The following FBXW8 variants were observed in gnomAD, a reference collection of about 807,000 sequenced individuals.
FBXW8 encodes F-box/WD repeat-containing protein 8.
FBXW8 carries 57 observed loss-of-function variants against 65.3 expected under a neutral mutation model. The ratio of observed to expected loss-of-function variants is 0.87; its 90% CI spans 0.71 to 1.09. The LOEUF is 1.09. FBXW8 is among the 50% of genes least tolerant of loss of function. The pLI, the probability that FBXW8 is intolerant of heterozygous loss-of-function variation, is 0.00. For synonymous variants in FBXW8, 308 were observed against 330.2 expected, an observed-to-expected ratio of 0.93 and a Z score of 0.73; for missense variants, 777 against 814.8, an observed-to-expected ratio of 0.95 and a Z score of 0.57.
chr12:116,922,248 A>C (rs777271516), intron 1 of FBXW8, among the ~76,000 whole-genome samples: 1 of 151,956 alleles, frequency 6.6e-6, no homozygotes, highest in Admixed American at 6.6e-5. Flanking sequence ...CCAGCCAACC[A>C]GTTTTTTTCT....
At chr12:117,022,491 A>T (rs1021927252) in intron 8 of FBXW8, among the ~76,000 whole-genome samples, 4 of 152,022 alleles carry the variant, frequency 2.6e-5, no homozygotes, top group African/African-American at 9.7e-5. Flanking sequence ...GTCTCTACTG[A>T]AAATAAAAAA....
intron 5 of FBXW8, among the ~76,000 whole-genome samples, chr12:116,973,097 A>C (rs1273954205): frequency 6.6e-6 from 1 of 152,206 alleles, no homozygotes; most frequent in Non-Finnish European, 1.5e-5. Context: ...TGGAGTATCA[A>C]AGTCAATATT....
chr12:116,990,509 A>T (rs1279433993), intron 7 of FBXW8, among the ~76,000 whole-genome samples: 1 of 151,860 alleles, frequency 6.6e-6, no homozygotes, highest in East Asian at 1.9e-4. Context: ...CTAATTTTTC[A>T]TCTGGTATGC....
intron 2 of FBXW8, among the ~76,000 whole-genome samples, chr12:116,940,415 G>T (rs1882480766): frequency 6.6e-6 from 1 of 151,602 alleles, no homozygotes; most frequent in Admixed American, 6.6e-5. Flanking sequence ...AGACGTTGAG[G>T]TGGGGATTAA....
At chr12:116,989,899 G>T (rs910489294) in intron 7 of FBXW8, among the ~76,000 whole-genome samples, 1 of 152,170 alleles carries the variant, frequency 6.6e-6, no homozygotes, top group Non-Finnish European at 1.5e-5. Flanking sequence ...AGAGTTGTAG[G>T]ATTAAATGAA....
rs1001517903 is a variant in FBXW8 at position 117,030,924 on chromosome 12, G to A, written c.*2752G>A. On this transcript the variant is annotated 3_prime_UTR_variant, in exon 11 of 11. Coordinates refer to ENST00000652555, the MANE Select transcript of FBXW8 (RefSeq NM_153348.3). The stretch of plus-strand genomic sequence containing the variant: ...TTTATCCAGACCCTTTCACAAACAA[G>A]TTCTGAGTTTTTAGCCAATTGATCC... 4 of 152,130 alleles carry A rather than the reference G, an allele frequency of 2.6e-5. No homozygotes were observed. The highest frequency in any genetic ancestry group is 4.8e-5 in the African/African-American group (2 of 41,414). 9.4% of individuals were successfully genotyped at this position (152,130 alleles called of 1,614,324 possible).
intron 5 of FBXW8, among the ~76,000 whole-genome samples, chr12:116,982,646 A>G (rs1885393887): frequency 6.6e-6 from 1 of 151,430 alleles, no homozygotes; most frequent in Non-Finnish European, 1.5e-5. Context: ...TTTTTCCCAA[A>G]AAGACTCTTC....
intron 2 of FBXW8, among the ~76,000 whole-genome samples, chr12:116,930,314 C>T (rs180713302): frequency 6.6e-6 from 1 of 152,314 alleles, no homozygotes; most frequent in East Asian, 1.9e-4. Flanking sequence ...CTCTCCATGT[C>T]TTTGCCAGCA....
chr12:116,998,113 C>T (rs1953424331), intron 7 of FBXW8, among the ~76,000 whole-genome samples: 1 of 152,212 alleles, frequency 6.6e-6, no homozygotes, highest in Admixed American at 6.5e-5. Context: ...GCCACCGCGC[C>T]TGGCCCCCAA....
chr12:116,916,263 C>T (rs1593031993), intron 1 of FBXW8, among the ~76,000 whole-genome samples: 1 of 152,058 alleles, frequency 6.6e-6, no homozygotes, highest in African/African-American at 2.4e-5. Context: ...CATAGATTAG[C>T]CTTGGTAGAT....
At chr12:117,016,846 A>G (rs1953962195) in intron 8 of FBXW8, among the ~76,000 whole-genome samples, 1 of 152,124 alleles carries the variant, frequency 6.6e-6, no homozygotes, top group Non-Finnish European at 1.5e-5. Flanking sequence ...ATTCTTTTCC[A>G]TGTGGATATC....
chr12:116,969,065 T>C (rs924490251), intron 5 of FBXW8, among the ~76,000 whole-genome samples: 2 of 152,192 alleles, frequency 1.3e-5, no homozygotes, highest in African/African-American at 4.8e-5. Flanking sequence ...CTGAACTTTG[T>C]GCTCTGTTTC....
chr12:116,973,849 T>C (rs1311362011), intron 5 of FBXW8, among the ~76,000 whole-genome samples: 1 of 152,246 alleles, frequency 6.6e-6, no homozygotes, highest in Non-Finnish European at 1.5e-5. Context: ...TTTTCTGTAA[T>C]TTTGAAAGTT....
At chr12:116,993,512 G>A (rs368081449) in intron 7 of FBXW8, among the ~76,000 whole-genome samples, 3 of 151,998 alleles carry the variant, frequency 2.0e-5, no homozygotes, top group South Asian at 2.1e-4. Flanking sequence ...TGTTTCTTAC[G>A]TTTGTTGGCA....
At chr12:116,989,243 T>C (rs1310942690) in intron 7 of FBXW8, among the ~76,000 whole-genome samples, 1 of 152,222 alleles carries the variant, frequency 6.6e-6, no homozygotes, top group Admixed American at 6.5e-5. Flanking sequence ...GAGGATTCCA[T>C]GTCAGCTTTT....
intron 1 of FBXW8, 125 bp downstream of exon 1, chr12:116,911,480 A>C: frequency 1.6e-6 from 1 of 620,982 alleles, no homozygotes; most frequent in Non-Finnish European, 2.3e-6. Flanking sequence ...GTAGACGCAC[A>C]AACACCAATG....
chr12:116,989,119 T>G (rs991848716), intron 7 of FBXW8, among the ~76,000 whole-genome samples: 3 of 152,208 alleles, frequency 2.0e-5, no homozygotes, highest in African/African-American at 7.2e-5. Flanking sequence ...CTAGAAAAAT[T>G]TAATGCATAT....
intron 5 of FBXW8, among the ~76,000 whole-genome samples, chr12:116,966,158 A>G (rs1390318092): frequency 6.6e-6 from 1 of 152,188 alleles, no homozygotes; most frequent in Non-Finnish European, 1.5e-5. Flanking sequence ...TTCAGCCTAT[A>G]GAAATTCAGC....
In FBXW8 at chr12:117,006,385, T is replaced by C. The variant is rs531682297; in HGVS notation, c.1240-3938T>C. Among the ~76,000 whole-genome samples, 8 of 152,332 alleles carry C rather than the reference T, an allele frequency of 5.3e-5. No homozygotes were observed. In the South Asian group the frequency reaches 8.3e-4, roughly 16 times the overall value. ...ATTTCTTACTGGGTGAAGGAAGAAG[T>C]TGGTCTGCCTTGAGCTCACCCCGCC... On this transcript the variant is annotated intron_variant, in intron 7 of 10. Transcript: ENST00000652555.
Sources: allele counts gnomAD v4.1 joint callset (sites outside exome capture counted in the v4.1 genomes callset), GRCh38; gene constraint gnomAD v4.1.1; transcripts MANE v1.5; gene names NCBI Gene and HGNC (gene_info 2026-07-23, HGNC 2026-07-21).